Variants in CLEC16A observed in about 807,000 individuals in gnomAD.
CLEC16A encodes C-type lectin domain containing 16A, also known as protein CLEC16A.
Under a neutral mutation model 109.5 loss-of-function variants are expected in CLEC16A, and 51 were observed. The observed-to-expected ratio is 0.47, with a 90% CI of 0.37 to 0.59. CLEC16A has a LOEUF of 0.59. Among genes scored for constraint, CLEC16A ranks in the 20% least tolerant of loss-of-function variants. The pLI is 0.00. For missense variants in CLEC16A, 1,339 were observed against 1,394.0 expected, an observed-to-expected ratio of 0.96 and a Z score of 0.63; for synonymous variants, 673 against 564.2, an observed-to-expected ratio of 1.19 and a Z score of -2.73.
At chr16:11,028,212 G>C (rs2046533631) in intron 13 of CLEC16A, among the ~76,000 whole-genome samples, 2 of 152,112 alleles carry the variant, frequency 1.3e-5, no homozygotes, top group Admixed American at 1.3e-4. Flanking sequence ...AAAAAGAAAA[G>C]ACAGTAGCTT....
At chr16:11,162,414 T>G (rs2054755837) in intron 22 of CLEC16A, among the ~76,000 whole-genome samples, 1 of 152,224 alleles carries the variant, frequency 6.6e-6, no homozygotes, top group Admixed American at 6.5e-5. Flanking sequence ...TTGTGTTCCC[T>G]CCATCATCCT....
chr16:10,957,286 TC>T (rs1226860036), intron 1 of CLEC16A, among the ~76,000 whole-genome samples: 1 of 152,198 alleles, frequency 6.6e-6, no homozygotes, highest in Non-Finnish European at 1.5e-5. Context: ...GACCCAGCCT[TC>T]CTAAGCTGTG....
intron 22 of CLEC16A, among the ~76,000 whole-genome samples, chr16:11,143,527 T>C (rs2053932172): frequency 6.6e-6 from 1 of 152,196 alleles, no homozygotes; most frequent in East Asian, 1.9e-4. Flanking sequence ...CCTAGCAACC[T>C]CTACCTGGCA....
intron 19 of CLEC16A, among the ~76,000 whole-genome samples, chr16:11,090,342 A>G (rs899461434): frequency 6.6e-6 from 1 of 152,150 alleles, no homozygotes; most frequent in African/African-American, 2.4e-5. Context: ...AGAGCTTAAG[A>G]ATGGGCTGTT....
chr16:11,097,526 T>C (rs2050674298), intron 19 of CLEC16A, among the ~76,000 whole-genome samples: 1 of 152,214 alleles, frequency 6.6e-6, no homozygotes, highest in Non-Finnish European at 1.5e-5. Context: ...CTTCTTTACC[T>C]GAATCATTAA....
intron 19 of CLEC16A, among the ~76,000 whole-genome samples, chr16:11,093,859 G>A (rs773540887): frequency 3.3e-5 from 5 of 152,112 alleles, no homozygotes; most frequent in Non-Finnish European, 7.4e-5. Flanking sequence ...GAATGGAGGC[G>A]GCAGCTGGTG....
intron 2 of CLEC16A, among the ~76,000 whole-genome samples, chr16:10,959,714 C>A (rs1277287488): frequency 6.6e-6 from 1 of 151,086 alleles, no homozygotes; most frequent in African/African-American, 2.4e-5. Context: ...TTTTAAATAT[C>A]TTTTTGGAAA....
At chr16:11,040,487 A>AT (rs2047266360) in intron 14 of CLEC16A, 1 of 124,074 alleles carries the variant, frequency 8.1e-6, no homozygotes, top group Non-Finnish European at 1.7e-5. Flanking sequence ...GGGAAGACCT[A>AT]TTTTTTGTGA....
intron 1 of CLEC16A, among the ~76,000 whole-genome samples, chr16:10,947,980 G>A (rs1230531260): frequency 6.6e-6 from 1 of 151,934 alleles, no homozygotes; most frequent in Non-Finnish European, 1.5e-5. Context: ...TGCAAGCTCC[G>A]CCTCCCGGGT....
At chr16:11,019,061 G>C (rs915107980) in intron 11 of CLEC16A, among the ~76,000 whole-genome samples, 2 of 152,154 alleles carry the variant, frequency 1.3e-5, no homozygotes, top group Non-Finnish European at 2.9e-5. Context: ...TGGCAGAGGC[G>C]GTGTCTGAGC....
chr16:11,007,175 A>T (rs1283190897), intron 11 of CLEC16A, among the ~76,000 whole-genome samples: 1 of 152,164 alleles, frequency 6.6e-6, no homozygotes, highest in Non-Finnish European at 1.5e-5. Context: ...GGAAAAAGTA[A>T]TTGCCCGGAC....
In CLEC16A at chr16:11,176,480, A is replaced by G. The variant is rs1405212408; in HGVS notation, c.2807-1855A>G. 2.0e-5 allele frequency among the ~76,000 whole-genome samples: 3 copies of G among 152,164 alleles called. No individual in the cohort carries two copies. In the East Asian group the frequency reaches 5.8e-4, roughly 29 times the overall value. The stretch of plus-strand genomic sequence containing the variant: ...TGGGCACGGTGGTTCACACCTGTGC[A>G]CATCCCAGCACTTTAAGAGGCCAAA... On this transcript the variant is annotated intron_variant, in intron 23 of 23. Coordinates refer to ENST00000409790, the MANE Select transcript of CLEC16A (RefSeq NM_015226.3).
intron 20 of CLEC16A, among the ~76,000 whole-genome samples, chr16:11,122,164 C>A (rs1462815621): frequency 6.6e-6 from 1 of 152,214 alleles, no homozygotes. Flanking sequence ...CTGTCTGTGT[C>A]CTGCTCTCTG....
chr16:11,175,167 C>G (rs748066432), intron 23 of CLEC16A, among the ~76,000 whole-genome samples: 1 of 152,186 alleles, frequency 6.6e-6, no homozygotes, highest in Non-Finnish European at 1.5e-5. Flanking sequence ...ATTTGCTTGA[C>G]AAGGATGTGT....
At chr16:10,979,456 C>G (rs2043201141) in intron 9 of CLEC16A, 74 bp downstream of exon 9, 1 of 1,353,560 alleles carries the variant, frequency 7.4e-7, no homozygotes, top group Middle Eastern at 1.8e-4. Flanking sequence ...GAAGAAAATC[C>G]CCAGGCCTTA....
intron 22 of CLEC16A, among the ~76,000 whole-genome samples, chr16:11,129,041 A>G (rs13330724): frequency 0.044 from 6,695 of 152,140 alleles, 485 homozygotes; most frequent in African/African-American, 0.15. Context: ...TCCGGCCCCA[A>G]CTGGCCTCTC....
At chr16:10,994,137 A>G (rs568386003) in intron 10 of CLEC16A, among the ~76,000 whole-genome samples, 48 of 152,162 alleles carry the variant, frequency 3.2e-4, no homozygotes, top group Non-Finnish European at 1.6e-4. Flanking sequence ...GCAACACTTG[A>G]TAACTGGTAA....
chr16:10,953,574 G>A (rs2041839804), intron 1 of CLEC16A, among the ~76,000 whole-genome samples: 2 of 152,164 alleles, frequency 1.3e-5, no homozygotes, highest in Admixed American at 6.5e-5. Flanking sequence ...TAAAGGGAAC[G>A]AAAAGGTAAG....
chr16:11,051,334 A>G (rs1423429690), intron 17 of CLEC16A, among the ~76,000 whole-genome samples, 179 bp from the exon 18 acceptor site: 3 of 152,226 alleles, frequency 2.0e-5, no homozygotes, highest in East Asian at 1.9e-4. Flanking sequence ...ACCAAAAGGC[A>G]TATTGCTCCC....
Sources: gnomAD v4.1 joint callset for allele counts (sites outside exome capture counted in the v4.1 genomes callset) on GRCh38, gnomAD v4.1.1 for gene constraint, MANE v1.5 for transcripts, NCBI Gene and HGNC (gene_info 2026-07-23, HGNC 2026-07-21) for gene names.